ITPR2: variants seen among roughly 807,000 people sequenced by gnomAD.
ITPR2 encodes the protein inositol 1,4,5-trisphosphate-gated calcium channel ITPR2.
ITPR2 carries 207 observed loss-of-function variants against 317.1 expected under a neutral mutation model. The ratio of observed to expected loss-of-function variants is 0.65; its 90% confidence interval spans 0.58 to 0.73. The LOEUF (loss-of-function observed/expected upper bound fraction) is 0.73. ITPR2 is among the 30% of genes least tolerant of loss of function. ITPR2 has a pLI of 0.00. For synonymous variants in ITPR2, 1,156 were observed against 1,149.1 expected, an observed-to-expected ratio of 1.01 and a Z score of -0.12; for missense variants, 2,613 against 3,284.0, an observed-to-expected ratio of 0.80 and a Z score of 4.99.
chr12:26,436,098 T>C (rs1219704898), intron 48 of ITPR2, 123 bp downstream of exon 48: 53 of 939,970 alleles, frequency 5.6e-5, no homozygotes, highest in South Asian at 5.0e-4. Flanking sequence ...ACTATCATAC[T>C]CTACTTCCAA....
At chr12:26,343,460 T>C (rs1030765488) in intron 55 of ITPR2, among the ~76,000 whole-genome samples, 2 of 152,134 alleles carry the variant, frequency 1.3e-5, no homozygotes, top group African/African-American at 4.8e-5. Context: ...TTTCTGGAGA[T>C]AGATTAGTGA....
intron 33 of ITPR2, 63 bp downstream of exon 33, chr12:26,579,964 A>T (rs1234274966): frequency 1.4e-6 from 2 of 1,447,302 alleles, no homozygotes; most frequent in East Asian, 2.3e-5. Flanking sequence ...ACCAGAAAAA[A>T]TTTCTCCTAC....
rs757885752 is a variant in ITPR2, at chr12:26,657,861, C to T, written c.2038G>A (p.Glu680Lys). 1.2e-6 allele frequency: 2 copies of T among 1,614,004 alleles called. No homozygotes were observed. Among genetic ancestry groups the T allele is most frequent in the Admixed American group, 3.3e-5 (2 of 59,990 alleles). Reference sequence around the variant, plus strand: ...ATGTCATCTGAAAGGATGGAGCTCTCCATGGGGTTGTCTGCTTGCATTGAG... The same window carrying T: ...ATGTCATCTGAAAGGATGGAGCTCTTCATGGGGTTGTCTGCTTGCATTGAG... ...VVSMQADNPM[E>K]SSILSDDIDD... The change falls in exon 18 of 57, where the codon GAG becomes AAG. Residue 680 changes from glutamate to lysine, a missense_variant. By Grantham distance (56) the Glu-to-Lys change is moderately conservative. This residue lies in a region of ITPR2 where 817 missense variants were observed against 897.6 expected (regional missense o/e 0.91). Coordinates refer to ENST00000381340, the MANE Select transcript of ITPR2 (RefSeq NM_002223.4).
Position 26,815,482 on chromosome 12 carries a change from G to A in ITPR2, c.92+17208C>T, listed in dbSNP as rs187349912. Reference sequence around the variant, plus strand: ...TTCTTTCTATTACTATGTTCTAATCGGGATGAAATATTAGCAACTAAAATA... The same window carrying A: ...TTCTTTCTATTACTATGTTCTAATCAGGATGAAATATTAGCAACTAAAATA... On this transcript the variant is annotated intron_variant, in intron 1 of 56. Coordinates refer to ENST00000381340, the MANE Select transcript of ITPR2 (RefSeq NM_002223.4). Among the ~76,000 whole-genome samples, 12 of 152,148 alleles carry A rather than the reference G, an allele frequency of 7.9e-5. No homozygotes were observed. In the East Asian group the frequency reaches 1.2e-3, roughly 15 times the overall value.
At chr12:26,797,044 A>T (rs934700976) in intron 1 of ITPR2, among the ~76,000 whole-genome samples, 1 of 152,236 alleles carries the variant, frequency 6.6e-6, no homozygotes, top group African/African-American at 2.4e-5. Flanking sequence ...CTCAAAAAAA[A>T]ATCAAAAGGT....
At chr12:26,347,100 G>A (rs1018577258) in intron 55 of ITPR2, among the ~76,000 whole-genome samples, 4 of 152,090 alleles carry the variant, frequency 2.6e-5, no homozygotes, top group African/African-American at 9.7e-5. Context: ...AAATGTCCCT[G>A]CACCTGACTT....
intron 37 of ITPR2, among the ~76,000 whole-genome samples, chr12:26,522,963 C>A (rs1591855014): frequency 6.6e-6 from 1 of 152,358 alleles, no homozygotes; most frequent in South Asian, 2.1e-4. Flanking sequence ...TTCTGCATAA[C>A]ATTTCGATGC....
At chr12:26,643,069 G>T (rs189258513) in intron 21 of ITPR2, among the ~76,000 whole-genome samples, 2 of 152,216 alleles carry the variant, frequency 1.3e-5, no homozygotes, top group South Asian at 4.2e-4. Flanking sequence ...GGGCTCTTTC[G>T]AAAGATGCCC....
At chr12:26,707,341 A>G (rs1488260735) in intron 9 of ITPR2, among the ~76,000 whole-genome samples, 1 of 152,340 alleles carries the variant, frequency 6.6e-6, no homozygotes, top group East Asian at 1.9e-4. Flanking sequence ...TTTTAAAAAT[A>G]ATATCTAGAT....
Position 26,600,031 on chromosome 12 carries a change from G to T in ITPR2, c.3757C>A (p.Gln1253Lys), listed in dbSNP as rs201445651. The T allele has an allele frequency of 1.2e-6, 2 of 1,605,478 alleles. No individual in the cohort carries two copies. The highest frequency in any genetic ancestry group is 1.7e-6 in the Non-Finnish European group (2 of 1,172,572). The change falls in exon 29 of 57, where the codon CAA becomes AAA. Residue 1253 changes from glutamine to lysine, a missense_variant. Around this residue, in one of 9 missense-constraint regions of ITPR2, gnomAD observed 817 missense variants for 897.6 expected, o/e 0.91. Coordinates refer to ENST00000381340, the MANE Select transcript of ITPR2 (RefSeq NM_002223.4). The stretch of plus-strand genomic sequence containing the variant: ...TTCAGATGTTTATGAAGAAGAACTT[G>T]ATTCTGTGGATTTCCTCGACAGAAA... ...QNFCRGNPQNQVLLHKHLNLF... is the reference protein window; with the variant it reads ...QNFCRGNPQNKVLLHKHLNLF...
chr12:26,778,684 T>C (rs1048400275), intron 2 of ITPR2, among the ~76,000 whole-genome samples: 3 of 152,234 alleles, frequency 2.0e-5, no homozygotes, highest in Non-Finnish European at 4.4e-5. Context: ...TTCCACAAGA[T>C]ATCACACTGG....
intron 10 of ITPR2, among the ~76,000 whole-genome samples, chr12:26,691,650 C>G (rs1160357619): frequency 6.6e-6 from 1 of 152,116 alleles, no homozygotes; most frequent in Non-Finnish European, 1.5e-5. Context: ...TCCTGCCGTC[C>G]TGGGGCCTGC....
intron 37 of ITPR2, among the ~76,000 whole-genome samples, chr12:26,549,999 TCC>T (rs1944484358): frequency 6.6e-6 from 1 of 151,712 alleles, no homozygotes; most frequent in Non-Finnish European, 1.5e-5. Context: ...AAAACACAGA[TCC>T]AAGAATATAA....
intron 9 of ITPR2, among the ~76,000 whole-genome samples, chr12:26,702,897 T>C (rs1370986671): frequency 7.0e-6 from 1 of 143,426 alleles, no homozygotes; most frequent in Non-Finnish European, 1.5e-5. Context: ...TTTCCGCAAT[T>C]CACCAAAAAA....
At position 26,649,826 on chromosome 12, in the gene ITPR2, C is replaced by T. The variant is rs6144656; in HGVS notation, c.2740+4150G>A. Among the ~76,000 whole-genome samples, 393 of 132,338 alleles carry T rather than the reference C, an allele frequency of 3.0e-3. 2 individuals carry two copies. The highest frequency in any genetic ancestry group is 0.016 in the Middle Eastern group (4 of 256). 86.8% of individuals were successfully genotyped at this position (132,338 alleles called of 152,430 possible). A position where few individuals can be genotyped will look rare whatever the true frequency, so the allele number is the denominator to read the frequency against. ...ATAGATAGATAGATAGATAGATAGACAGACAGACAGATAGATAACCTGGCT... is the reference window on the plus strand; with the variant it reads ...ATAGATAGATAGATAGATAGATAGATAGACAGACAGATAGATAACCTGGCT... On this transcript the variant is annotated intron_variant, in intron 21 of 56. Coordinates refer to ENST00000381340, the MANE Select transcript of ITPR2 (RefSeq NM_002223.4).
At chr12:26,642,228 A>AT (rs1310660977) in intron 21 of ITPR2, among the ~76,000 whole-genome samples, 2 of 152,048 alleles carry the variant, frequency 1.3e-5, no homozygotes, top group Admixed American at 1.3e-4. Flanking sequence ...ATTTATTTTT[A>AT]TTTTTCTCCA....
intron 37 of ITPR2, among the ~76,000 whole-genome samples, chr12:26,510,881 A>G (rs1008994070): frequency 4.6e-5 from 7 of 152,240 alleles, no homozygotes; most frequent in African/African-American, 1.7e-4. Flanking sequence ...AATTTAAAGC[A>G]AAATAAAGAC....
intron 55 of ITPR2, among the ~76,000 whole-genome samples, chr12:26,342,473 T>G (rs867822887): frequency 1.1e-4 from 6 of 52,948 alleles, no homozygotes; most frequent in Non-Finnish European, 1.0e-4. Flanking sequence ...GTGGACCGAA[T>G]GGGAGGTGTT....
At chr12:26,671,081 C>A (rs1262145776) in intron 13 of ITPR2, among the ~76,000 whole-genome samples, 1 of 152,012 alleles carries the variant, frequency 6.6e-6, no homozygotes, top group South Asian at 2.1e-4. Flanking sequence ...GATTGGTGTA[C>A]CTGAAAGTGA....
Sources: allele counts gnomAD v4.1 joint callset (sites outside exome capture counted in the v4.1 genomes callset), GRCh38; gene constraint gnomAD v4.1.1; regional missense constraint gnomAD v4.1.1; transcripts MANE v1.5; gene names NCBI Gene and HGNC (gene_info 2026-07-23, HGNC 2026-07-21).